BCAR3: variants seen among roughly 807,000 people sequenced by gnomAD.
BCAR3 encodes the protein BCAR3 adaptor protein, NSP family member.
In BCAR3, 37 loss-of-function variants were observed where a neutral mutation model predicts 80.1. The observed-to-expected ratio is 0.46, with a 90% CI of 0.36 to 0.61. The LOEUF is 0.61. BCAR3 is among the 20% of genes least tolerant of loss of function. The pLI is 0.00. For synonymous variants in BCAR3, 389 were observed against 418.9 expected (o/e 0.93, Z 0.87); for missense variants, 978 against 1,068.2 (o/e 0.92, Z 1.18).
In BCAR3 at chr1:93,779,549, T is replaced by C. The variant is rs575309049; in HGVS notation, c.-63+66018A>G. ...GTATTGGGATCAGAGAAGACCCCTC[T>C]TTGAGGGAAACTTGGTTGAAAAAGA... is the stretch of plus-strand genomic sequence containing the variant. On this transcript the variant is annotated intron_variant, in intron 2 of 13. Coordinates refer to the BCAR3 transcript ENST00000370244. Among the ~76,000 whole-genome samples the C allele has an allele frequency of 7.2e-5, 11 of 152,282 alleles. No homozygotes were observed. In the South Asian group the frequency reaches 2.3e-3, roughly 32 times the overall value.
intron 2 of BCAR3, among the ~76,000 whole-genome samples, chr1:93,670,337 C>G (rs1194054347): frequency 6.6e-6 from 1 of 152,130 alleles, no homozygotes; most frequent in Non-Finnish European, 1.5e-5. Context: ...ACAACAAAGC[C>G]AAGAGATACA....
At chr1:93,836,854 TG>T (rs1654786783) in intron 2 of BCAR3, among the ~76,000 whole-genome samples, 1 of 152,148 alleles carries the variant, frequency 6.6e-6, no homozygotes, top group South Asian at 2.1e-4. Context: ...TTCCTTCTCC[TG>T]GCTCAGAAGC....
At chr1:93,618,048 A>T (rs941122079) in intron 3 of BCAR3, among the ~76,000 whole-genome samples, 1 of 152,270 alleles carries the variant, frequency 6.6e-6, no homozygotes, top group Admixed American at 6.5e-5. Flanking sequence ...CAGGGAGGAC[A>T]GGAGGAAAGG....
chr1:93,572,640 C>T (rs1673266608), intron 8 of BCAR3, among the ~76,000 whole-genome samples: 1 of 152,212 alleles, frequency 6.6e-6, no homozygotes, highest in Non-Finnish European at 1.5e-5. Context: ...ACCCCCTTTC[C>T]TTCCCACTGT....
chr1:93,820,159 G>A (rs1285726152), intron 2 of BCAR3, among the ~76,000 whole-genome samples: 1 of 152,148 alleles, frequency 6.6e-6, no homozygotes, highest in Admixed American at 6.5e-5. Flanking sequence ...AATTTCTGTG[G>A]AAATTGGTAA....
At chr1:93,620,387 G>A (rs772527388) in intron 3 of BCAR3, among the ~76,000 whole-genome samples, 6 of 152,214 alleles carry the variant, frequency 3.9e-5, no homozygotes, top group Non-Finnish European at 5.9e-5. Flanking sequence ...GTTAGGAGTT[G>A]TTTAACAGGC....
rs116181311 is a variant in BCAR3, at chr1:93,635,031, G to A, written c.357+7273C>T. On this transcript the variant is annotated intron_variant, in intron 3 of 11. Transcript: ENST00000260502. ...GGAGGAAGGCCAGAGTTCGAGACCA[G>A]CCCAAGCACACAGGGAGACCCCATC... 3.3e-3 allele frequency among the ~76,000 whole-genome samples: 497 copies of A among 152,170 alleles called. 8 individuals carry two copies. Among genetic ancestry groups the A allele is most frequent in the African/African-American group, 0.012 (487 of 41,520 alleles).
chr1:93,568,618 G>A (rs1673070202), intron 9 of BCAR3, among the ~76,000 whole-genome samples: 5 of 152,052 alleles, frequency 3.3e-5, no homozygotes, highest in Admixed American at 3.3e-4. Context: ...AATAAAACTG[G>A]AATTGACCTC....
chr1:93,693,221 C>G (rs1649258840), intron 3 of BCAR3, among the ~76,000 whole-genome samples: 1 of 152,224 alleles, frequency 6.6e-6, no homozygotes, highest in Non-Finnish European at 1.5e-5. Flanking sequence ...CTACCCAGTA[C>G]AGGGGAAATT....
chr1:93,592,260 G>A lies in BCAR3; in HGVS notation c.486+5C>T. 1 of 1,613,520 alleles carries A rather than the reference G, an allele frequency of 6.2e-7. No individual in the cohort carries two copies. The highest frequency in any genetic ancestry group is 8.5e-7 in the Non-Finnish European group (1 of 1,180,016). On this transcript the variant is annotated splice_donor_5th_base_variant and intron_variant, in intron 4 of 11. Coordinates refer to ENST00000260502, the MANE Select transcript of BCAR3 (RefSeq NM_003567.4). The surrounding 1 kb of genome is among the most constrained non-coding windows in gnomAD (Gnocchi z 4.8). ...GTATGCTCTGGAAGGGACAAGACCAGGTACCTGTCGGGGGATGCGGCCGTG... is the reference window on the plus strand; with the variant it reads ...GTATGCTCTGGAAGGGACAAGACCAAGTACCTGTCGGGGGATGCGGCCGTG...
At chr1:93,645,638 T>G (rs879173219) in intron 2 of BCAR3, among the ~76,000 whole-genome samples, 2 of 149,750 alleles carry the variant, frequency 1.3e-5, no homozygotes, top group East Asian at 3.9e-4. Flanking sequence ...TACAGGATCT[T>G]TGTGTGTGTG....
At chr1:93,604,222 C>T (rs1042905311) in intron 3 of BCAR3, among the ~76,000 whole-genome samples, 1 of 152,134 alleles carries the variant, frequency 6.6e-6, no homozygotes, top group South Asian at 2.1e-4. Context: ...TTTTCCTTTT[C>T]ACAGATGAGT....
chr1:93,723,935 G>A (rs902102671), intron 2 of BCAR3, among the ~76,000 whole-genome samples: 2 of 152,120 alleles, frequency 1.3e-5, no homozygotes, highest in Non-Finnish European at 2.9e-5. Flanking sequence ...AGGAGATGTC[G>A]AATTCCATTA....
At chr1:93,733,034 A>G (rs1480167232) in intron 2 of BCAR3, among the ~76,000 whole-genome samples, 1 of 152,206 alleles carries the variant, frequency 6.6e-6, no homozygotes, top group Non-Finnish European at 1.5e-5. Flanking sequence ...AACACGAAAT[A>G]CAAAACTGAG....
At chr1:93,708,985 C>T (rs775880147) in intron 2 of BCAR3, among the ~76,000 whole-genome samples, 1 of 152,100 alleles carries the variant, frequency 6.6e-6, no homozygotes, top group Non-Finnish European at 1.5e-5. Context: ...GGGCTCACAA[C>T]TTTCATATCA....
At chr1:93,634,564 C>G (rs145432536) in intron 3 of BCAR3, among the ~76,000 whole-genome samples, 243 of 152,026 alleles carry the variant, frequency 1.6e-3, no homozygotes, top group African/African-American at 5.6e-3. Flanking sequence ...GCATGGTGGC[C>G]CAGGCCTATA....
At chr1:93,665,488 GCTGACTCCCTGGAACAAA>G (rs886668762) in intron 2 of BCAR3, among the ~76,000 whole-genome samples, 9 of 151,858 alleles carry the variant, frequency 5.9e-5, no homozygotes, top group African/African-American at 2.2e-4. Flanking sequence ...GGCCTCCTCT[GCTGACTCCCTGGAACAAA>G]CTGTGCTGGG....
chr1:93,578,029 G>A (rs1673527138), intron 7 of BCAR3, among the ~76,000 whole-genome samples: 2 of 152,198 alleles, frequency 1.3e-5, no homozygotes, highest in African/African-American at 4.8e-5. Context: ...ACAAAGGAAG[G>A]ACAAACATGT....
At chr1:93,719,744 C>T (rs1474075804) in intron 2 of BCAR3, among the ~76,000 whole-genome samples, 1 of 152,124 alleles carries the variant, frequency 6.6e-6, no homozygotes, top group Non-Finnish European at 1.5e-5. Flanking sequence ...TCCTTTGAAC[C>T]TGTACATAGA....
Sources: gnomAD v4.1 joint callset for allele counts (sites outside exome capture counted in the v4.1 genomes callset) on GRCh38, gnomAD v4.1.1 for gene constraint, Gnocchi (gnomAD v3.1) non-coding constraint, MANE v1.5 for transcripts, NCBI Gene and HGNC (gene_info 2026-07-23, HGNC 2026-07-21) for gene names.